Variants in RCAN2 observed in about 807,000 individuals in gnomAD.
RCAN2 encodes the protein regulator of calcineurin 2, also known as calcipressin-2.
In RCAN2, 9 loss-of-function variants were observed where a neutral mutation model predicts 23.6. That is an observed-to-expected ratio of 0.38 (90% CI 0.23 to 0.67). The LOEUF (loss-of-function observed/expected upper bound fraction) is 0.67, where lower values mean the gene tolerates loss of function less well. Ranked by LOEUF, RCAN2 falls within the 30% of genes least tolerant of loss-of-function variation. The pLI is 0.51. For missense variants in RCAN2, 273 were observed against 302.3 expected (o/e 0.90, Z 0.72); for synonymous variants, 109 against 115.7 (o/e 0.94, Z 0.37).
At chr6:46,300,273 T>C (rs1467681668) in intron 2 of RCAN2, among the ~76,000 whole-genome samples, 1 of 151,846 alleles carries the variant, frequency 6.6e-6, no homozygotes, top group Admixed American at 6.6e-5. Context: ...AATTACCAAA[T>C]TGATTAAAAA....
At chr6:46,412,779 A>T (rs534469118) in intron 2 of RCAN2, among the ~76,000 whole-genome samples, 3 of 152,172 alleles carry the variant, frequency 2.0e-5, no homozygotes, top group African/African-American at 7.2e-5. Context: ...GGGAAGCCTG[A>T]TGAGGAGGCA....
At position 46,339,069 on chromosome 6, in the gene RCAN2, T is replaced by C. The variant is rs181398703; in HGVS notation, c.226-90173A>G. ...TAAAGGGGGTTTCTTCATATGATGA[T>C]ATCAACCCACTATCAGTCCATCCAT... On this transcript the variant is annotated intron_variant, in intron 2 of 4. Transcript: ENST00000371374. Among the ~76,000 whole-genome samples the C allele has an allele frequency of 1.9e-3, 268 of 140,838 alleles. 2 individuals are homozygous for C. The highest frequency in any genetic ancestry group is 6.6e-3 in the African/African-American group (251 of 38,054). The allele number at this position is 140,838 out of a possible 152,430, so 92.4% of individuals were successfully genotyped here. A position where few individuals can be genotyped will look rare whatever the true frequency, so the allele number is the denominator to read the frequency against.
At chr6:46,330,883 TGTTGTTTAGATCCA>T (rs1224408385) in intron 2 of RCAN2, among the ~76,000 whole-genome samples, 12 of 152,344 alleles carry the variant, frequency 7.9e-5, no homozygotes, top group Non-Finnish European at 1.5e-4. Context: ...CTGTAGGTTC[TGTTGTTTAGATCCA>T]GATGCTTAAG....
At chr6:46,410,873 G>T (rs1333825767) in intron 2 of RCAN2, among the ~76,000 whole-genome samples, 2 of 152,110 alleles carry the variant, frequency 1.3e-5, no homozygotes, top group African/African-American at 4.8e-5. Flanking sequence ...CATGATTATG[G>T]TTATCCTGAC....
chr6:46,491,724 C>T (rs1006108617), upstream of RCAN2: 1 of 152,364 alleles, frequency 6.6e-6, no homozygotes, highest in Non-Finnish European at 1.5e-5. Context: ...GCGTGGGAGC[C>T]TGGCTGCAGG....
chr6:46,462,279 T>C (rs868238166), intron 1 of RCAN2, among the ~76,000 whole-genome samples: 2 of 152,166 alleles, frequency 1.3e-5, no homozygotes, highest in Non-Finnish European at 2.9e-5. Context: ...ACAAACAACC[T>C]TTTCCCCCCA....
rs147973331 is a variant in RCAN2, at chr6:46,476,657, G to T, written c.-3+14516C>A. 2.3e-3 allele frequency among the ~76,000 whole-genome samples: 344 copies of T among 152,308 alleles called. 1 individual carries two copies. Among genetic ancestry groups the T allele is most frequent in the African/African-American group, 8.0e-3 (332 of 41,576 alleles). On this transcript the variant is annotated intron_variant, in intron 1 of 4. Transcript: ENST00000371374. ...CTGAAATCCTTGTAATTTCCTAAAT[G>T]ATTAGAGTGATAGGAGTAATAGGAG...
At chr6:46,421,651 C>G (rs1043202060) in intron 2 of RCAN2, among the ~76,000 whole-genome samples, 3 of 152,160 alleles carry the variant, frequency 2.0e-5, no homozygotes, top group African/African-American at 7.2e-5. Context: ...AGGTCATTTA[C>G]TCACTTCTCC....
chr6:46,397,588 T>A (rs922979830), intron 2 of RCAN2, among the ~76,000 whole-genome samples: 5 of 152,188 alleles, frequency 3.3e-5, no homozygotes, highest in Non-Finnish European at 5.9e-5. Context: ...TTTGTATACA[T>A]CTATAATTAT....
intron 1 of RCAN2, among the ~76,000 whole-genome samples, chr6:46,478,936 A>G (rs534842647): frequency 6.6e-6 from 1 of 152,364 alleles, no homozygotes; most frequent in South Asian, 2.1e-4. Flanking sequence ...CGATGTGCAT[A>G]CAACTGTGAG....
chr6:46,325,550 T>C (rs1763768636), intron 2 of RCAN2: 11 of 1,595,018 alleles, frequency 6.9e-6, no homozygotes, highest in Middle Eastern at 1.7e-4. Flanking sequence ...AGCTTCCAGA[T>C]GGATATTGCT....
At chr6:46,352,789 T>G (rs1319388846) in intron 2 of RCAN2, among the ~76,000 whole-genome samples, 1 of 152,078 alleles carries the variant, frequency 6.6e-6, no homozygotes, top group Non-Finnish European at 1.5e-5. Flanking sequence ...GTCCTGTCAC[T>G]GTAAAGGAAG....
intron 2 of RCAN2, among the ~76,000 whole-genome samples, chr6:46,305,479 T>A (rs1033297719): frequency 6.6e-6 from 1 of 152,032 alleles, no homozygotes; most frequent in Non-Finnish European, 1.5e-5. Flanking sequence ...AAAGCACTTG[T>A]GCTCAAGATT....
intron 2 of RCAN2, among the ~76,000 whole-genome samples, chr6:46,323,571 A>G (rs1396851980): frequency 6.6e-6 from 1 of 152,126 alleles, no homozygotes; most frequent in Non-Finnish European, 1.5e-5. Flanking sequence ...AATCTCTCAT[A>G]GAGAACCTAC....
chr6:46,475,631 T>C (rs1417257363), intron 1 of RCAN2, among the ~76,000 whole-genome samples: 1 of 152,186 alleles, frequency 6.6e-6, no homozygotes, highest in African/African-American at 2.4e-5. Context: ...TCCACACAGG[T>C]TGGTTTCTGT....
At chr6:46,295,202 T>C (rs772713614) in intron 2 of RCAN2, among the ~76,000 whole-genome samples, 28 of 152,134 alleles carry the variant, frequency 1.8e-4, no homozygotes, top group Non-Finnish European at 3.2e-4. Context: ...TTGTTGGCTG[T>C]TTCTTGGGAA....
intron 2 of RCAN2, among the ~76,000 whole-genome samples, chr6:46,404,240 T>C (rs918032519): frequency 1.3e-5 from 2 of 151,838 alleles, no homozygotes; most frequent in African/African-American, 2.4e-5. Context: ...AAAGAGGTGA[T>C]TTTGGAAGAG....
At chr6:46,474,320 C>T (rs1265186909) in intron 1 of RCAN2, among the ~76,000 whole-genome samples, 1 of 152,038 alleles carries the variant, frequency 6.6e-6, no homozygotes, top group Admixed American at 6.5e-5. Flanking sequence ...CTACAGGAGT[C>T]CTGACTGACA....
At position 46,446,458 on chromosome 6, in the gene RCAN2, T is replaced by A. The variant is rs529503362; in HGVS notation, c.225+10294A>T. On this transcript the variant is annotated intron_variant, in intron 2 of 4. Coordinates refer to ENST00000371374, the MANE Select transcript of RCAN2 (RefSeq NM_001251974.2). Reference sequence around the variant, plus strand: ...TACAAGAAATGCTAATGGGATTTCTTCAATCTAAATGAAAAGGAGGATGCT... The same window carrying A: ...TACAAGAAATGCTAATGGGATTTCTACAATCTAAATGAAAAGGAGGATGCT... 9.9e-5 allele frequency among the ~76,000 whole-genome samples: 15 copies of A among 152,256 alleles called. No homozygotes were observed. In the South Asian group the frequency reaches 1.7e-3, roughly 17 times the overall value.
Sources: allele counts gnomAD v4.1 joint callset (sites outside exome capture counted in the v4.1 genomes callset), GRCh38; gene constraint gnomAD v4.1.1; transcripts MANE v1.5; gene names NCBI Gene and HGNC (gene_info 2026-07-23, HGNC 2026-07-21).